The following SPTBN5 variants were observed in gnomAD, a reference collection of about 807,000 sequenced individuals.
SPTBN5 encodes the protein spectrin beta chain, non-erythrocytic 5.
In SPTBN5, 513 loss-of-function variants were observed where a neutral mutation model predicts 477.6. That is an observed-to-expected ratio of 1.07 (90% CI 1.00 to 1.16). The LOEUF (loss-of-function observed/expected upper bound fraction) is 1.16, where lower values mean the gene tolerates loss of function less well. SPTBN5 is among the 50% of genes most tolerant of loss of function. SPTBN5 has a pLI of 0.00. For synonymous variants in SPTBN5, 2,169 were observed against 2,011.7 expected, an observed-to-expected ratio of 1.08 and a Z score of -2.09; for missense variants, 5,062 against 4,731.8, an observed-to-expected ratio of 1.07 and a Z score of -2.05.
At chr15:41,875,398 C>T (rs2066689709) in intron 22 of SPTBN5, 60 bp downstream of exon 22, 1 of 1,553,784 alleles carries the variant, frequency 6.4e-7, no homozygotes, top group Non-Finnish European at 8.7e-7. Flanking sequence ...CCTCCCCGTT[C>T]TGTCCAGCCC....
At position 41,850,873 on chromosome 15, in the gene SPTBN5, T is replaced by G; in HGVS notation, c.10902A>C (p.Arg3634=). 6.2e-7 allele frequency: 1 copy of G among 1,600,988 alleles called. No individual in the cohort carries two copies. Among genetic ancestry groups the G allele is most frequent in the Non-Finnish European group, 8.5e-7 (1 of 1,174,726 alleles). Residue 3634 remains arginine (R), a synonymous_variant, in exon 66 of 68, where the codon CGA becomes CGC. Coordinates refer to ENST00000320955, the MANE Select transcript of SPTBN5 (RefSeq NM_016642.4). ...PSEEQAESWW[R]ALGSTAAQSL... ...GCCCACCTGCAGTGCTGCCCAGGGCTCGCCACCAGCTCTCAGCCTGCTCTT... is the reference window on the plus strand; with the variant it reads ...GCCCACCTGCAGTGCTGCCCAGGGCGCGCCACCAGCTCTCAGCCTGCTCTT...
In SPTBN5 at chr15:41,858,945, C is replaced by T. The variant is rs767283425; in HGVS notation, c.8024G>A (p.Arg2675His). 1.7e-4 allele frequency: 272 copies of T among 1,588,252 alleles called. 1 individual carries two copies. The East Asian group carries it at 5.2e-3, about 30-fold the overall frequency. ...CTGCCGGAGCTCCTCCAGGCGATGG[C>T]GGCGGGTCCCGGCTTGCCTGAAGAG... Reference protein sequence around the residue: ...EALFRQAGTRRHRLEELRQLQ... With the variant: ...EALFRQAGTRHHRLEELRQLQ... Residue 2675 changes from arginine to histidine, a missense_variant, in exon 48 of 68, where the codon CGC (arginine) becomes CAC (histidine). Coordinates refer to ENST00000320955, the MANE Select transcript of SPTBN5 (RefSeq NM_016642.4).
At chr15:41,854,685 T>C in intron 56 of SPTBN5, 97 bp downstream of exon 56, 1 of 1,064,296 alleles carries the variant, frequency 9.4e-7, no homozygotes, top group South Asian at 1.9e-5. Flanking sequence ...GCAGGGTGTG[T>C]GTCTTGTTGG....
At chr15:41,855,058 G>C in intron 55 of SPTBN5, 82 bp from the exon 56 acceptor site, 1 of 1,461,104 alleles carries the variant, frequency 6.8e-7, no homozygotes, top group Non-Finnish European at 9.2e-7. Context: ...AGCAGACTCT[G>C]ATGGCTCTGA....
rs777677696 is a variant in SPTBN5, at chr15:41,882,559, G to C, written c.2046+26C>G. 4 of 1,585,622 alleles carry C rather than the reference G, an allele frequency of 2.5e-6. No individual in the cohort carries two copies. In the African/African-American group the frequency reaches 4.0e-5, roughly 16 times the overall value. ...AGGGAAGGGCAAGGCGCTGGCGACC[G>C]GCGGGCGCGCTCGGGGAGCTGACAC... On this transcript the variant is annotated intron_variant, in intron 10 of 67. Coordinates refer to ENST00000320955, the MANE Select transcript of SPTBN5 (RefSeq NM_016642.4).
Position 41,861,481 on chromosome 15 carries a change from C to T in SPTBN5, c.7753G>A (p.Val2585Met). The change falls in exon 46 of 68, where the codon GTG becomes ATG. Residue 2585 changes from valine to methionine, a missense_variant. By Grantham distance (21) the Val-to-Met change is conservative (BLOSUM62 1). Transcript: ENST00000320955. ...ALELQLFLSS[V>M]EKMERWLCSK... ...CAAAGCCAACGTTCCATCTTCTCCA[C>T]TGAGCTCAGAAACAGCTGAGAACAA... 1 of 1,613,558 alleles carries T rather than the reference C, an allele frequency of 6.2e-7. No homozygotes were observed. The highest frequency in any genetic ancestry group is 8.5e-7 in the Non-Finnish European group (1 of 1,179,886).
Position 41,886,118 on chromosome 15 carries a change from G to T in SPTBN5, c.1137C>A (p.Ala379=). The T allele has an allele frequency of 6.2e-7, 1 of 1,610,880 alleles. No individual in the cohort carries two copies. The highest frequency in any genetic ancestry group is 8.5e-7 in the Non-Finnish European group (1 of 1,178,540). Residue 379 remains alanine (A), a synonymous_variant, in exon 7 of 68, where the codon GCC becomes GCA. Coordinates refer to ENST00000320955, the MANE Select transcript of SPTBN5 (RefSeq NM_016642.4). ...LLFRLQTALQ[A]QNRRPFLPHE... The stretch of plus-strand genomic sequence containing the variant: ...GAGGCAGGAAGGGCCTGCGGTTCTG[G>T]GCTTGGAGTGCTGTCTGTAGCCGGA...
intron 66 of SPTBN5, 165 bp from the exon 67 acceptor site, chr15:41,850,124 G>A: frequency 1.6e-6 from 1 of 627,590 alleles, no homozygotes; most frequent in Non-Finnish European, 2.8e-6. Flanking sequence ...GAGCACTTGT[G>A]GGCAGGTTTT....
chr15:41,849,380 G>A (rs1466001248), intron 67 of SPTBN5, among the ~76,000 whole-genome samples: 5 of 152,230 alleles, frequency 3.3e-5, no homozygotes, highest in Non-Finnish European at 4.4e-5. Flanking sequence ...CATGGAGTGG[G>A]GATTGGGGAA....
chr15:41,865,852 G>A lies in SPTBN5; in HGVS notation c.6874C>T (p.Gln2292Ter). 1 of 1,581,990 alleles carries A rather than the reference G, an allele frequency of 6.3e-7. No individual in the cohort carries two copies. Among genetic ancestry groups the A allele is most frequent in the South Asian group, 1.2e-5 (1 of 86,070 alleles). The change falls in exon 39 of 68, where the codon CAG becomes TAG. Residue 2292 changes from glutamine to a stop codon, truncating the protein, a stop_gained. Coordinates refer to ENST00000320955, the MANE Select transcript of SPTBN5 (RefSeq NM_016642.4). LOFTEE classifies it high-confidence loss of function. ...AACTCGCGGAGCCGCCGTCGGAGCT[G>A]CAGGCAGTGCTCCAGGTCCTGGCCC... is the stretch of plus-strand genomic sequence containing the variant. The part of the protein sequence containing the change: ...DLGQDLEHCL[Q>*]LRRRLREFRG...
At chr15:41,868,255 G>A (rs1404406528) in intron 33 of SPTBN5, 37 bp from the exon 34 acceptor site, 2 of 1,574,342 alleles carry the variant, frequency 1.3e-6, no homozygotes, top group African/African-American at 2.7e-5. Context: ...AGCTGGGGAG[G>A]GTGGTGTGGG....
chr15:41,871,946 A>C, intron 27 of SPTBN5, 29 bp from the exon 28 acceptor site: 1 of 1,510,700 alleles, frequency 6.6e-7, no homozygotes, highest in Non-Finnish European at 8.9e-7. Context: ...GTTCCCCAGA[A>C]GTGAGTTGCC....
intron 12 of SPTBN5, 129 bp from the exon 13 acceptor site, chr15:41,881,363 A>T: frequency 1.4e-6 from 1 of 734,102 alleles, no homozygotes; most frequent in Non-Finnish European, 2.2e-6. Flanking sequence ...TGTGTGGGAC[A>T]TGGGTCTGGG....
intron 66 of SPTBN5, 68 bp downstream of exon 66, chr15:41,850,786 C>T (rs1432556150): frequency 1.4e-6 from 2 of 1,390,546 alleles, no homozygotes; most frequent in Non-Finnish European, 2.0e-6. Context: ...GCATAAAACA[C>T]TAGGGGCCCA....
At position 41,875,514 on chromosome 15, in the gene SPTBN5, G is replaced by A. The variant is rs374843437; in HGVS notation, c.4231C>T (p.Arg1411Cys). The A allele has an allele frequency of 8.1e-6, 13 of 1,612,308 alleles. No individual in the cohort carries two copies. The highest frequency in any genetic ancestry group is 4.0e-5 in the African/African-American group (3 of 74,918). Residue 1411 changes from arginine (R) to cysteine (C), a missense_variant, in exon 22 of 68, where the codon CGT (arginine) becomes TGT (cysteine). Physicochemically the swap from Arg to Cys is radical, Grantham distance 180 (BLOSUM62 -3). Coordinates refer to ENST00000320955, the MANE Select transcript of SPTBN5 (RefSeq NM_016642.4). ...CCAGCCTGCTGGAGCTCGTCCCCACGCTCAGTCATCTTGCGGTTCAAAGCT... is the reference window on the plus strand; with the variant it reads ...CCAGCCTGCTGGAGCTCGTCCCCACACTCAGTCATCTTGCGGTTCAAAGCT... ...WEALNRKMTE[R>C]GDELQQAGQQ...
Position 41,854,734 on chromosome 15 carries a change from T to G in SPTBN5, c.9618+48A>C, listed in dbSNP as rs571936297. ...GGTAAGGAGGGCTTAGAGGGATTTTTTGAAGACTCTGACACCCCTTAGCTT... is the reference window on the plus strand; with the variant it reads ...GGTAAGGAGGGCTTAGAGGGATTTTGTGAAGACTCTGACACCCCTTAGCTT... On this transcript the variant is annotated intron_variant, in intron 56 of 67. Coordinates refer to ENST00000320955, the MANE Select transcript of SPTBN5 (RefSeq NM_016642.4). The G allele has an allele frequency of 2.2e-5, 32 of 1,443,700 alleles. 1 individual carries two copies. In the African/African-American group the frequency reaches 4.5e-4, roughly 20 times the overall value. 89.4% of individuals were successfully genotyped at this position (1,443,700 alleles called of 1,614,324 possible). A position where few individuals can be genotyped will look rare whatever the true frequency, so the allele number is the denominator to read the frequency against.
At chr15:41,892,090 CT>C (rs1031834089) in intron 3 of SPTBN5, among the ~76,000 whole-genome samples, 1 of 152,192 alleles carries the variant, frequency 6.6e-6, no homozygotes, top group African/African-American at 2.4e-5. Flanking sequence ...CTCCCATTCC[CT>C]TTGCTTGGGC....
In SPTBN5 at chr15:41,885,904, G is replaced by C. The variant is rs1336630297; in HGVS notation, c.1351C>G (p.Gln451Glu). The change falls in exon 7 of 68, where the codon CAG becomes GAG. Residue 451 changes from glutamine to glutamate, a missense_variant. Coordinates refer to ENST00000320955, the MANE Select transcript of SPTBN5 (RefSeq NM_016642.4). ...AGGCTGGCTGGCGGGGCTCTGGCCT[G>C]GTCTAGCACCTGCTCTGCATCCTTA... ...FLKDAEQVLD[Q>E]ARAPPASLAT... 3.2e-6 allele frequency: 5 copies of C among 1,584,166 alleles called. No homozygotes were observed. The highest frequency in any genetic ancestry group is 4.3e-6 in the Non-Finnish European group (5 of 1,165,546).
At chr15:41,865,928 G>C in intron 38 of SPTBN5, 25 bp from the exon 39 acceptor site, 1 of 1,552,978 alleles carries the variant, frequency 6.4e-7, no homozygotes, top group South Asian at 1.2e-5. Context: ...GGTGGGGAGG[G>C]AGCGCTGTGA....
Sources: gnomAD v4.1 joint callset for allele counts (sites outside exome capture counted in the v4.1 genomes callset) on GRCh38, gnomAD v4.1.1 for gene constraint, MANE v1.5 for transcripts, NCBI Gene and HGNC (gene_info 2026-07-23, HGNC 2026-07-21) for gene names.